ADAM7: variants seen among roughly 807,000 people sequenced by gnomAD.
ADAM7 encodes the protein disintegrin and metalloproteinase domain-containing protein 7.
ADAM7 carries 97 observed loss-of-function variants against 102.9 expected under a neutral mutation model. The observed-to-expected ratio is 0.94, with a 90% confidence interval of 0.80 to 1.12. The LOEUF is 1.12. ADAM7 is among the 50% of genes most tolerant of loss of function. The pLI, the probability that ADAM7 is intolerant of heterozygous loss-of-function variation, is 0.00. For synonymous variants in ADAM7, 334 were observed against 304.4 expected (o/e 1.10, Z -1.01); for missense variants, 991 against 908.7 (o/e 1.09, Z -1.16).
intron 8 of ADAM7, among the ~76,000 whole-genome samples, chr8:24,479,682 C>A (rs1819884657): frequency 6.6e-6 from 1 of 152,078 alleles, no homozygotes; most frequent in Non-Finnish European, 1.5e-5. Context: ...GCTCTGCATT[C>A]TCCTTCTCTC....
intron 7 of ADAM7, among the ~76,000 whole-genome samples, chr8:24,469,238 C>G (rs1346110429): frequency 6.6e-6 from 1 of 152,056 alleles, no homozygotes; most frequent in Admixed American, 6.6e-5. Flanking sequence ...TGAATGTAAA[C>G]CCCTGAGAAG....
Position 24,485,326 on chromosome 8 carries a change from A to G in ADAM7, c.925A>G (p.Met309Val), listed in dbSNP as rs1222988223. The change falls in exon 10 of 22, where the codon ATG becomes GTG. Residue 309 changes from methionine (M) to valine (V), a missense_variant. Transcript: ENST00000175238. ...GCAAGGAATTTCTTATCCAGGGGGT[A>G]TGTGCCTGCCCTATTATTCCACCAG... is the stretch of plus-strand genomic sequence containing the variant. Reference protein sequence around the residue: ...HVQGISYPGGMCLPYYSTSII... With the variant: ...HVQGISYPGGVCLPYYSTSII... 1.9e-6 allele frequency: 3 copies of G among 1,613,754 alleles called. No individual in the cohort carries two copies. The highest frequency in any genetic ancestry group is 2.2e-5 in the East Asian group (1 of 44,844).
At chr8:24,446,979 G>T (rs892116063) in intron 2 of ADAM7, among the ~76,000 whole-genome samples, 9 of 150,828 alleles carry the variant, frequency 6.0e-5, no homozygotes, top group Non-Finnish European at 1.0e-4. Flanking sequence ...AAGAAATCTA[G>T]TTCTAAAATA....
At chr8:24,506,675 C>T (rs368141881) in intron 20 of ADAM7, among the ~76,000 whole-genome samples, 6 of 151,662 alleles carry the variant, frequency 4.0e-5, no homozygotes, top group African/African-American at 1.5e-4. Flanking sequence ...GCTGTGTAAT[C>T]CCTGCATCTT....
intron 7 of ADAM7, among the ~76,000 whole-genome samples, chr8:24,474,916 G>A (rs1819719429): frequency 6.6e-6 from 1 of 151,932 alleles, no homozygotes; most frequent in African/African-American, 2.4e-5. Context: ...ACAACAAAAA[G>A]AGCAAGAAAG....
At chr8:24,471,343 C>T (rs1002853479) in intron 7 of ADAM7, among the ~76,000 whole-genome samples, 7 of 151,946 alleles carry the variant, frequency 4.6e-5, no homozygotes, top group South Asian at 4.1e-4. Context: ...CAAAGTCCAC[C>T]GTAGGGTACA....
At chr8:24,479,452 C>T (rs955785337) in intron 8 of ADAM7, among the ~76,000 whole-genome samples, 6 of 151,952 alleles carry the variant, frequency 3.9e-5, no homozygotes, top group Non-Finnish European at 8.8e-5. Flanking sequence ...ACTATAGCTC[C>T]CTTGGCAGTT....
intron 3 of ADAM7, among the ~76,000 whole-genome samples, chr8:24,453,440 C>G (rs1410644482): frequency 6.6e-6 from 1 of 152,222 alleles, no homozygotes; most frequent in Non-Finnish European, 1.5e-5. Flanking sequence ...CAATTGATCA[C>G]ATCGGCTCCT....
At chr8:24,447,963 C>T (rs911678645) in intron 3 of ADAM7, among the ~76,000 whole-genome samples, 6 of 151,628 alleles carry the variant, frequency 4.0e-5, no homozygotes, top group Admixed American at 2.0e-4. Context: ...CACACACACA[C>T]ACACACACAC....
chr8:24,493,184 A>G lies in ADAM7; in HGVS notation c.1797A>G (p.Thr599=). 2 of 1,612,642 alleles carry G rather than the reference A, an allele frequency of 1.2e-6. No individual in the cohort carries two copies. Among genetic ancestry groups the G allele is most frequent in the African/African-American group, 1.3e-5 (1 of 74,976 alleles). Residue 599 remains threonine, a synonymous_variant, in exon 16 of 22, where the codon ACA becomes ACG. Coordinates refer to ENST00000175238, the MANE Select transcript of ADAM7 (RefSeq NM_003817.4). ...CTATTTTTTTATACCATGATTCTAC[A>G]GACATTGGCCTGGTGGCGTCAGGAA... is the stretch of plus-strand genomic sequence containing the variant. The part of the protein sequence containing the change: ...CKTIFLYHDS[T]DIGLVASGTK...
Position 24,508,879 on chromosome 8 carries a change from A to G in ADAM7, c.*333A>G. On this transcript the variant is annotated 3_prime_UTR_variant, in exon 22 of 22. Transcript: ENST00000175238. Reference sequence around the variant, plus strand: ...CTTTCTTTTAAGAATCCAAACTTTAAGGATGATAACTTACAGTCTAAGAAG... The same window carrying G: ...CTTTCTTTTAAGAATCCAAACTTTAGGGATGATAACTTACAGTCTAAGAAG... The G allele has an allele frequency of 8.7e-7, 1 of 1,152,824 alleles. No homozygotes were observed. Among genetic ancestry groups the G allele is most frequent in the Non-Finnish European group, 1.1e-6 (1 of 938,344 alleles). The allele number at this position is 1,152,824 out of a possible 1,614,324, so 71.4% of individuals were successfully genotyped here.
chr8:24,468,764 C>T lies in ADAM7; in HGVS notation c.580-3C>T. On this transcript the variant is annotated splice_region_variant and splice_polypyrimidine_tract_variant and intron_variant, in intron 6 of 21. Transcript: ENST00000175238. ...TTCAACTGAATTTTCCCTAACTTTA[C>T]AGGGCATCCATGATGAAAAGTATGT... 1 of 1,612,852 alleles carries T rather than the reference C, an allele frequency of 6.2e-7. No homozygotes were observed. Among genetic ancestry groups the T allele is most frequent in the Non-Finnish European group, 8.5e-7 (1 of 1,179,458 alleles).
intron 11 of ADAM7, among the ~76,000 whole-genome samples, chr8:24,488,149 C>T (rs1457141457): frequency 6.6e-6 from 1 of 152,144 alleles, no homozygotes; most frequent in African/African-American, 2.4e-5. Flanking sequence ...TAACTGTACT[C>T]TTCTGCTGGA....
At chr8:24,503,760 G>A (rs1395908091) in intron 20 of ADAM7, among the ~76,000 whole-genome samples, 1 of 152,076 alleles carries the variant, frequency 6.6e-6, no homozygotes, top group Non-Finnish European at 1.5e-5. Context: ...ATCATTTGCA[G>A]CAAACTATCA....
intron 16 of ADAM7, among the ~76,000 whole-genome samples, chr8:24,495,677 G>C (rs1820528588): frequency 6.6e-6 from 1 of 152,172 alleles, no homozygotes; most frequent in Non-Finnish European, 1.5e-5. Flanking sequence ...AAAGAGACTG[G>C]TAGCATTTTG....
chr8:24,496,472 C>T (rs778566932), intron 16 of ADAM7, among the ~76,000 whole-genome samples: 3 of 152,194 alleles, frequency 2.0e-5, no homozygotes, highest in Non-Finnish European at 4.4e-5. Context: ...CCACAGCTTG[C>T]ACTGTGCACC....
intron 17 of ADAM7, 126 bp from the exon 18 acceptor site, chr8:24,500,052 A>G (rs1274917495): frequency 3.1e-6 from 2 of 636,138 alleles, no homozygotes; most frequent in Non-Finnish European, 5.1e-6. Flanking sequence ...TTAATAAACG[A>G]ATAAAAAGTT....
intron 21 of ADAM7, among the ~76,000 whole-genome samples, chr8:24,508,275 G>C (rs1182986103): frequency 2.0e-5 from 3 of 152,144 alleles, no homozygotes. Context: ...CCCACAGAGA[G>C]TAGAGAGTGA....
Position 24,442,462 on chromosome 8 carries a change from T to C in ADAM7, c.53-11T>C. 1 of 1,593,670 alleles carries C rather than the reference T, an allele frequency of 6.3e-7. No homozygotes were observed. The highest frequency in any genetic ancestry group is 8.6e-7 in the Non-Finnish European group (1 of 1,161,442). On this transcript the variant is annotated splice_polypyrimidine_tract_variant and intron_variant, in intron 1 of 21. Coordinates refer to ENST00000175238, the MANE Select transcript of ADAM7 (RefSeq NM_003817.4). Reference sequence around the variant, plus strand: ...GTCAGACGGATTTTTTCCTCTTATGTTTCCTCGTAGAAAAGTTCATCCTTG... The same window carrying C: ...GTCAGACGGATTTTTTCCTCTTATGCTTCCTCGTAGAAAAGTTCATCCTTG...
Sources: allele counts gnomAD v4.1 joint callset (sites outside exome capture counted in the v4.1 genomes callset), GRCh38; gene constraint gnomAD v4.1.1; transcripts MANE v1.5; gene names NCBI Gene and HGNC (gene_info 2026-07-23, HGNC 2026-07-21).